SYTL5: variants seen among roughly 807,000 people sequenced by gnomAD.
SYTL5 encodes the protein synaptotagmin-like protein 5.
In SYTL5, 34 loss-of-function variants were observed where a neutral mutation model predicts 55.9. The observed-to-expected ratio is 0.61, with a 90% CI of 0.46 to 0.81. The LOEUF (loss-of-function observed/expected upper bound fraction) is 0.81, where lower values mean the gene tolerates loss of function less well. SYTL5 is among the 30% of genes least tolerant of loss of function. The pLI is 0.00. For missense variants in SYTL5, 637 were observed against 546.7 expected (o/e 1.17, Z -1.65); for synonymous variants, 221 against 188.7 (o/e 1.17, Z -1.40).
chrX:38,104,873 G>A (rs1356274269), intron 10 of SYTL5, among the ~76,000 whole-genome samples: 1 of 111,676 alleles, frequency 9.0e-6, no homozygotes, highest in Non-Finnish European at 1.9e-5. Context: ...ATCCACAGAG[G>A]ATACATTCCA....
chrX:38,076,624 T>A lies in SYTL5; in HGVS notation c.612T>A (p.Thr204=). Reference sequence around the variant, plus strand: ...GAGGAGAAATCATAACTCCCAAAACTGACACTGGGCGGAGCTATAGCTTGG... The same window carrying A: ...GAGGAGAAATCATAACTCCCAAAACAGACACTGGGCGGAGCTATAGCTTGG... ...ATRGEIITPK[T]DTGRSYSLDL... The change falls in exon 6 of 17, where the codon ACT becomes ACA. Residue 204 remains threonine (T), a synonymous_variant. Transcript: ENST00000297875. 13 of 1,209,594 alleles carry A rather than the reference T, an allele frequency of 1.1e-5. No individual in the cohort carries two copies. Among genetic ancestry groups the A allele is most frequent in the Non-Finnish European group, 1.5e-5 (13 of 893,667 alleles).
chrX:37,935,405 G>C, the SYTL5 span, among the ~76,000 whole-genome samples: 2 of 112,139 alleles, frequency 1.8e-5, no homozygotes, highest in African/African-American at 3.2e-5. Flanking sequence ...ACCATGTAAA[G>C]AAATAAAGAA....
intron 1 of SYTL5, among the ~76,000 whole-genome samples, chrX:38,011,507 G>A (rs1392139182): frequency 1.8e-5 from 2 of 110,808 alleles, no homozygotes; most frequent in South Asian, 3.9e-4. Flanking sequence ...GGTGGCTGCC[G>A]CCTATAGTCT....
chrX:38,091,556 C>T (rs1266560389), intron 7 of SYTL5, among the ~76,000 whole-genome samples: 2 of 111,221 alleles, frequency 1.8e-5, no homozygotes, highest in Non-Finnish European at 3.8e-5. Context: ...ATGTCATGCA[C>T]TAAACCTGAA....
intron 6 of SYTL5, among the ~76,000 whole-genome samples, chrX:38,080,344 T>C (rs1936499371): frequency 8.9e-6 from 1 of 112,280 alleles, no homozygotes; most frequent in African/African-American, 3.2e-5. Context: ...TTGGAGAATA[T>C]GGCAATATCT....
chrX:38,020,442 TA>T (rs1934514415), intron 1 of SYTL5, among the ~76,000 whole-genome samples: 11 of 96,407 alleles, frequency 1.1e-4, no homozygotes, highest in Admixed American at 3.5e-4. Flanking sequence ...TATATATATA[TA>T]TATATATTTC....
the SYTL5 span, among the ~76,000 whole-genome samples, chrX:37,910,806 T>C: frequency 8.9e-6 from 1 of 111,748 alleles, no homozygotes; most frequent in Admixed American, 9.5e-5. Context: ...AATTTGCCTT[T>C]CTAACAAGTT....
At chrX:38,119,824 C>T (rs1416081596) in intron 13 of SYTL5, among the ~76,000 whole-genome samples, 1 of 112,366 alleles carries the variant, frequency 8.9e-6, no homozygotes, top group East Asian at 2.8e-4. Flanking sequence ...ACCACTTTCT[C>T]CATGTTGAAT....
intron 13 of SYTL5, among the ~76,000 whole-genome samples, chrX:38,113,832 A>C (rs1286100463): frequency 9.0e-6 from 1 of 111,451 alleles, no homozygotes; most frequent in Admixed American, 9.5e-5. Context: ...AAGCCAACAT[A>C]GCCTGGGTAT....
At chrX:38,054,482 GA>G in intron 3 of SYTL5, 60 bp downstream of exon 3, 4 of 1,038,313 alleles carry the variant, frequency 3.9e-6, no homozygotes, top group Middle Eastern at 3.3e-4. Context: ...TTGGAGTGGG[GA>G]AGGCAAAAGA....
the SYTL5 span, among the ~76,000 whole-genome samples, chrX:37,918,941 G>A: frequency 1.1e-5 from 1 of 95,063 alleles, no homozygotes; most frequent in Admixed American, 1.0e-4. Context: ...TGGAAAGTGT[G>A]AGTGAGTGTG....
the SYTL5 span, among the ~76,000 whole-genome samples, chrX:37,990,133 C>T: frequency 2.0e-4 from 22 of 110,935 alleles, no homozygotes; most frequent in African/African-American, 6.9e-4. Flanking sequence ...CTGCCTCCCA[C>T]AGTGCTGGGA....
chrX:37,929,741 C>A, the SYTL5 span, among the ~76,000 whole-genome samples: 1 of 111,878 alleles, frequency 8.9e-6, no homozygotes, highest in Admixed American at 9.4e-5. Context: ...AAAGAGAGAT[C>A]TCAGAAAGCT....
chrX:38,050,179 A>G (rs1362605419), intron 2 of SYTL5, among the ~76,000 whole-genome samples: 1 of 112,302 alleles, frequency 8.9e-6, no homozygotes, highest in Non-Finnish European at 1.9e-5. Flanking sequence ...AATTGCTTCC[A>G]TTCTAAAATT....
chrX:37,901,822 A>G, the SYTL5 span, among the ~76,000 whole-genome samples: 143 of 111,809 alleles, frequency 1.3e-3, 1 homozygote, highest in Non-Finnish European at 1.9e-3. Flanking sequence ...AGGTTGCTTG[A>G]TAAGTGTCTG....
At position 38,126,840 on chromosome X, in the gene SYTL5, A is replaced by T; in HGVS notation, c.*110A>T. ...GCTTCCCTGCCATTTCTCACCTGAC[A>T]GTGTTGGGACATGAGGGGAGAGATG... On this transcript the variant is annotated 3_prime_UTR_variant, in exon 17 of 17. Coordinates refer to ENST00000297875, the MANE Select transcript of SYTL5 (RefSeq NM_138780.3). The T allele has an allele frequency of 1.2e-6, 1 of 835,764 alleles. No homozygotes were observed. The highest frequency in any genetic ancestry group is 1.7e-6 in the Non-Finnish European group (1 of 599,166). The allele number at this position is 835,764 out of a possible 1,213,427, so 68.9% of individuals were successfully genotyped here.
At chrX:37,922,006 T>C in the SYTL5 span, among the ~76,000 whole-genome samples, 1 of 112,314 alleles carries the variant, frequency 8.9e-6, no homozygotes, top group Non-Finnish European at 1.9e-5. Flanking sequence ...CTGATGCTAT[T>C]CATTGCTTAT....
At chrX:38,110,257 G>T in intron 12 of SYTL5, 64 bp from the exon 13 acceptor site, 1 of 895,373 alleles carries the variant, frequency 1.1e-6, no homozygotes, top group African/African-American at 2.0e-5. Context: ...AGTAAATTTC[G>T]ACCTCTCCTG....
chrX:38,010,339 C>G (rs909005831), intron 1 of SYTL5, among the ~76,000 whole-genome samples: 10 of 111,513 alleles, frequency 9.0e-5, no homozygotes, highest in African/African-American at 3.3e-4. Context: ...GGATTAGGTA[C>G]AGCAAGGATG....
Sources: allele counts gnomAD v4.1 joint callset (sites outside exome capture counted in the v4.1 genomes callset), GRCh38; gene constraint gnomAD v4.1.1; transcripts MANE v1.5; gene names NCBI Gene and HGNC (gene_info 2026-07-23, HGNC 2026-07-21).